LARGE1: variants seen among roughly 807,000 people sequenced by gnomAD.
LARGE1 encodes xylosyl- and glucuronyltransferase LARGE1.
A neutral mutation model predicts 87.6 loss-of-function variants in LARGE1; 43 were observed. That is an observed-to-expected ratio of 0.49 (90% CI 0.38 to 0.63). The LOEUF (loss-of-function observed/expected upper bound fraction) is 0.63, where lower values mean the gene tolerates loss of function less well. Ranked by LOEUF, LARGE1 falls within the 30% of genes least tolerant of loss-of-function variation. The pLI, the probability that LARGE1 is intolerant of heterozygous loss-of-function variation, is 0.00. For synonymous variants in LARGE1, 434 were observed against 394.6 expected, an observed-to-expected ratio of 1.10 and a Z score of -1.18; for missense variants, 802 against 1,000.2, an observed-to-expected ratio of 0.80 and a Z score of 2.67.
intron 11 of LARGE1, among the ~76,000 whole-genome samples, chr22:33,186,962 A>G (rs954888466): frequency 3.9e-5 from 6 of 152,184 alleles, no homozygotes; most frequent in Non-Finnish European, 7.4e-5. Flanking sequence ...TGGTGGGTTC[A>G]TGAATTATGT....
At chr22:33,702,697 G>T (rs1211283931) in intron 2 of LARGE1, among the ~76,000 whole-genome samples, 1 of 152,146 alleles carries the variant, frequency 6.6e-6, no homozygotes, top group Admixed American at 6.5e-5. Context: ...TTCCTGCTGT[G>T]GTCCCTGTTA....
the LARGE1 span, among the ~76,000 whole-genome samples, chr22:33,071,892 G>C: frequency 1.3e-5 from 2 of 152,176 alleles, no homozygotes; most frequent in Non-Finnish European, 2.9e-5. Context: ...CTACCTGGCT[G>C]TTCCTGACTC....
At chr22:33,296,368 A>G (rs1203393714) in intron 12 of LARGE1, among the ~76,000 whole-genome samples, 2 of 152,184 alleles carry the variant, frequency 1.3e-5, no homozygotes, top group East Asian at 1.9e-4. Context: ...TAAGAACTAC[A>G]TGGATTATCT....
intron 5 of LARGE1, among the ~76,000 whole-genome samples, chr22:33,567,143 C>T (rs941096943): frequency 1.3e-5 from 2 of 152,154 alleles, no homozygotes; most frequent in African/African-American, 4.8e-5. Flanking sequence ...GCATGGGGAA[C>T]CTGTCTCATA....
At chr22:33,466,576 T>C (rs1023310002) in intron 6 of LARGE1, among the ~76,000 whole-genome samples, 1 of 152,104 alleles carries the variant, frequency 6.6e-6, no homozygotes, top group African/African-American at 2.4e-5. Flanking sequence ...GGTATTTCTT[T>C]TTTTGTCTAA....
chr22:33,681,993 A>C (rs2081788984), intron 2 of LARGE1, among the ~76,000 whole-genome samples: 1 of 152,182 alleles, frequency 6.6e-6, no homozygotes, highest in Admixed American at 6.5e-5. Context: ...CTACCATGCA[A>C]AGACCAAGAA....
At chr22:33,117,386 A>G in the LARGE1 span, among the ~76,000 whole-genome samples, 3 of 152,030 alleles carry the variant, frequency 2.0e-5, no homozygotes, top group Non-Finnish European at 4.4e-5. Flanking sequence ...AACAACACCC[A>G]TGCTACCTTG....
At chr22:33,652,068 C>T (rs1330755648) in intron 2 of LARGE1, among the ~76,000 whole-genome samples, 2 of 152,062 alleles carry the variant, frequency 1.3e-5, no homozygotes, top group Admixed American at 6.6e-5. Context: ...CCCAGCTACT[C>T]GTGAGGTTGA....
chr22:33,368,533 CAA>C (rs34999879), intron 9 of LARGE1, among the ~76,000 whole-genome samples: 24 of 115,708 alleles, frequency 2.1e-4, no homozygotes, highest in African/African-American at 5.2e-4. Flanking sequence ...GACTCTTTCT[CAA>C]AAAAAAAAAA....
At chr22:33,391,400 A>G (rs1288315532) in intron 7 of LARGE1, among the ~76,000 whole-genome samples, 2 of 152,136 alleles carry the variant, frequency 1.3e-5, no homozygotes, top group Non-Finnish European at 1.5e-5. Flanking sequence ...GCTGGGGTAC[A>G]GGTAAACTGA....
chr22:33,786,197 A>G (rs2085636124), intron 1 of LARGE1, among the ~76,000 whole-genome samples: 1 of 152,206 alleles, frequency 6.6e-6, no homozygotes, highest in Non-Finnish European at 1.5e-5. Flanking sequence ...CCAAGTTCTA[A>G]TAAGGCCCTT....
chr22:33,360,844 G>A (rs919573050), intron 9 of LARGE1, among the ~76,000 whole-genome samples: 2 of 149,946 alleles, frequency 1.3e-5, no homozygotes, highest in African/African-American at 4.9e-5. Flanking sequence ...CACTGCCACT[G>A]GACTCTTTCT....
chr22:33,115,641 C>A, the LARGE1 span, among the ~76,000 whole-genome samples: 3 of 151,636 alleles, frequency 2.0e-5, no homozygotes, highest in Non-Finnish European at 4.4e-5. Context: ...CATGGTGAAA[C>A]CTCGTCTCTA....
At chr22:33,635,578 C>T (rs1182768406) in intron 3 of LARGE1, among the ~76,000 whole-genome samples, 3 of 152,092 alleles carry the variant, frequency 2.0e-5, no homozygotes, top group Admixed American at 2.0e-4. Flanking sequence ...ACAGCATTTT[C>T]CTAACATCCA....
upstream of LARGE1, among the ~76,000 whole-genome samples, chr22:33,921,893 G>A (rs2065958400): frequency 1.3e-5 from 2 of 152,072 alleles, no homozygotes; most frequent in Admixed American, 1.3e-4. This position sits in a 1 kb window ranked among gnomAD's most constrained non-coding sequence, Gnocchi z 4.1. Flanking sequence ...ATGGAAGGAG[G>A]ATGCCCTCGA....
At chr22:33,606,671 T>A (rs1024623957) in intron 4 of LARGE1, among the ~76,000 whole-genome samples, 4 of 152,014 alleles carry the variant, frequency 2.6e-5, no homozygotes, top group African/African-American at 9.7e-5. Context: ...ATTCAATAAA[T>A]CCTCACTGAG....
intron 6 of LARGE1, among the ~76,000 whole-genome samples, chr22:33,520,566 C>T (rs1038225762): frequency 6.6e-6 from 1 of 152,246 alleles, no homozygotes; most frequent in Non-Finnish European, 1.5e-5. Flanking sequence ...CACCTGCCCC[C>T]ACTGCCCACC....
At chr22:33,716,615 C>T (rs2082914118) in intron 2 of LARGE1, among the ~76,000 whole-genome samples, 1 of 152,168 alleles carries the variant, frequency 6.6e-6, no homozygotes, top group Admixed American at 6.5e-5. Flanking sequence ...CCAGGCTGGT[C>T]TCGAACTCCT....
chr22:33,710,427 A>T (rs2082698761), intron 2 of LARGE1, among the ~76,000 whole-genome samples: 1 of 152,216 alleles, frequency 6.6e-6, no homozygotes, highest in African/African-American at 2.4e-5. Context: ...CCAGCCAGGG[A>T]GCTGAACAAG....
Sources: gnomAD v4.1 joint callset for allele counts (sites outside exome capture counted in the v4.1 genomes callset) on GRCh38, gnomAD v4.1.1 for gene constraint, Gnocchi (gnomAD v3.1) non-coding constraint, MANE v1.5 for transcripts, NCBI Gene and HGNC (gene_info 2026-07-23, HGNC 2026-07-21) for gene names.